GRXCR1: variants seen among roughly 807,000 people sequenced by gnomAD.
GRXCR1 encodes the protein glutaredoxin domain-containing cysteine-rich protein 1.
In GRXCR1, 27 loss-of-function variants were observed where a neutral mutation model predicts 27.3. The ratio of observed to expected loss-of-function variants is 0.99; its 90% CI spans 0.73 to 1.37. The LOEUF (loss-of-function observed/expected upper bound fraction) is 1.37, where lower values mean the gene tolerates loss of function less well. Ranked by LOEUF, GRXCR1 falls within the 40% of genes most tolerant of loss-of-function variation. GRXCR1 has a pLI of 0.00. For missense variants in GRXCR1, 379 were observed against 354.4 expected, an observed-to-expected ratio of 1.07 and a Z score of -0.56; for synonymous variants, 122 against 131.1, an observed-to-expected ratio of 0.93 and a Z score of 0.47.
intron 1 of GRXCR1, among the ~76,000 whole-genome samples, chr4:42,898,360 G>A (rs1746395563): frequency 1.3e-5 from 2 of 151,904 alleles, no homozygotes; most frequent in Admixed American, 1.3e-4. Flanking sequence ...TTTGATTAAA[G>A]TGTCATGAGG....
intron 2 of GRXCR1, among the ~76,000 whole-genome samples, chr4:43,011,632 TA>T (rs1262809316): frequency 1.3e-5 from 2 of 152,152 alleles, no homozygotes; most frequent in African/African-American, 4.8e-5. Context: ...ATTCTTTGGG[TA>T]TGCACTCTGT....
intron 3 of GRXCR1, among the ~76,000 whole-genome samples, chr4:43,025,156 A>G (rs1713214152): frequency 6.6e-6 from 1 of 152,122 alleles, no homozygotes; most frequent in Admixed American, 6.6e-5. Context: ...AAGGAAGTCT[A>G]TTTCACAATC....
Position 42,999,934 on chromosome 4 carries a change from C to T in GRXCR1, c.628-20420C>T, listed in dbSNP as rs571808261. On this transcript the variant is annotated intron_variant, in intron 2 of 3. Transcript: ENST00000399770. ...GGTTAATGTGTCTTTGTTCACCTTT[C>T]GTGATACACAGTATTCCCCAAACAA... is the stretch of plus-strand genomic sequence containing the variant. Among the ~76,000 whole-genome samples, 149 of 152,316 alleles carry T rather than the reference C, an allele frequency of 9.8e-4. 1 individual carries two copies. The South Asian group carries it at 0.018, about 19-fold the overall frequency.
chr4:43,030,275 A>C lies in GRXCR1; in HGVS notation c.694-86A>C, dbSNP rs555025332. 3,813 of 1,222,590 alleles carry C rather than the reference A, an allele frequency of 3.1e-3. 13 individuals are homozygous for C. Among genetic ancestry groups the C allele is most frequent in the South Asian group, 8.3e-3 (687 of 82,538 alleles). The allele number at this position is 1,222,590 out of a possible 1,614,324, so 75.7% of individuals were successfully genotyped here. On this transcript the variant is annotated intron_variant, in intron 3 of 3. Coordinates refer to ENST00000399770, the MANE Select transcript of GRXCR1 (RefSeq NM_001080476.3). ...TGCCAATATTGCTTTATGACCACTC[A>C]CAGTTCAGAAAGACCGGGAGGCTGA...
intron 2 of GRXCR1, among the ~76,000 whole-genome samples, chr4:42,987,241 A>ATATTATATATATATT (rs1276367661): frequency 3.0e-5 from 2 of 66,468 alleles, no homozygotes; most frequent in East Asian, 4.0e-4. Flanking sequence ...ATATATATAT[A>ATATTATATATATATT]ATATATAATA....
intron 1 of GRXCR1, among the ~76,000 whole-genome samples, chr4:42,923,842 CG>C (rs1483557747): frequency 6.6e-6 from 1 of 151,990 alleles, no homozygotes; most frequent in Non-Finnish European, 1.5e-5. Context: ...GCATAGCTTC[CG>C]GGGTGGTACT....
At chr4:42,919,826 A>C (rs551266363) in intron 1 of GRXCR1, among the ~76,000 whole-genome samples, 1 of 152,288 alleles carries the variant, frequency 6.6e-6, no homozygotes, top group East Asian at 1.9e-4. Flanking sequence ...AAATTTCTAT[A>C]ATATAAATTT....
At chr4:42,995,132 C>T (rs1372565982) in intron 2 of GRXCR1, among the ~76,000 whole-genome samples, 3 of 152,252 alleles carry the variant, frequency 2.0e-5, no homozygotes, top group Non-Finnish European at 4.4e-5. Context: ...TGTATCATCA[C>T]TGTGACACTT....
At chr4:43,004,150 G>A (rs976699508) in intron 2 of GRXCR1, among the ~76,000 whole-genome samples, 1 of 152,236 alleles carries the variant, frequency 6.6e-6, no homozygotes, top group Non-Finnish European at 1.5e-5. Context: ...AGGGGACAAG[G>A]TACAGCTTCA....
intron 1 of GRXCR1, among the ~76,000 whole-genome samples, chr4:42,946,387 ATTGTG>A (rs1274376698): frequency 6.6e-6 from 1 of 152,154 alleles, no homozygotes; most frequent in Non-Finnish European, 1.5e-5. Flanking sequence ...CTTATGTCAC[ATTGTG>A]TTATTATCCT....
chr4:43,028,013 G>A (rs1232945530), intron 3 of GRXCR1, among the ~76,000 whole-genome samples: 2 of 152,058 alleles, frequency 1.3e-5, no homozygotes, highest in African/African-American at 2.4e-5. Flanking sequence ...GGAGGCTGAG[G>A]CAGGAGAATC....
At position 42,929,817 on chromosome 4, in the gene GRXCR1, C is replaced by T. The variant is rs371820075; in HGVS notation, c.385-33075C>T. On this transcript the variant is annotated intron_variant, in intron 1 of 3. Transcript: ENST00000399770. ...GCAATAATAATAATTATAACACCTG[C>T]ACCATAAAAATTGTTCCAAGCATTT... Among the ~76,000 whole-genome samples the T allele has an allele frequency of 4.7e-4, 71 of 152,042 alleles. 2 individuals are homozygous for T. The South Asian group carries it at 0.011, about 23-fold the overall frequency.
At chr4:43,028,632 C>A (rs1463199037) in intron 3 of GRXCR1, among the ~76,000 whole-genome samples, 1 of 152,230 alleles carries the variant, frequency 6.6e-6, no homozygotes. Flanking sequence ...TTGATAAGAA[C>A]TCCACTACTT....
chr4:42,941,692 C>T (rs1188146335), intron 1 of GRXCR1, among the ~76,000 whole-genome samples: 1 of 151,938 alleles, frequency 6.6e-6, no homozygotes, highest in African/African-American at 2.4e-5. Flanking sequence ...ACAATATTAT[C>T]CCTATAACAC....
intron 1 of GRXCR1, among the ~76,000 whole-genome samples, chr4:42,956,644 T>C (rs577866145): frequency 6.6e-6 from 1 of 152,232 alleles, no homozygotes; most frequent in Admixed American, 6.5e-5. Context: ...CTATACTTTC[T>C]ACCCTGAATT....
At chr4:42,976,191 C>T (rs1302793398) in intron 2 of GRXCR1, among the ~76,000 whole-genome samples, 1 of 151,996 alleles carries the variant, frequency 6.6e-6, no homozygotes, top group Non-Finnish European at 1.5e-5. Flanking sequence ...TGGACCTCTG[C>T]ACTATAAAAG....
At chr4:42,902,786 A>T (rs1474337533) in intron 1 of GRXCR1, among the ~76,000 whole-genome samples, 1 of 152,192 alleles carries the variant, frequency 6.6e-6, no homozygotes, top group African/African-American at 2.4e-5. Context: ...ACCATGGCAC[A>T]TAATTACCTA....
At chr4:43,012,671 A>ATT (rs1167830656) in intron 2 of GRXCR1, among the ~76,000 whole-genome samples, 1 of 152,166 alleles carries the variant, frequency 6.6e-6, no homozygotes, top group Non-Finnish European at 1.5e-5. Context: ...TATAAACATT[A>ATT]TTATACCCAT....
At chr4:43,017,743 T>C (rs1712971355) in intron 2 of GRXCR1, among the ~76,000 whole-genome samples, 1 of 152,098 alleles carries the variant, frequency 6.6e-6, no homozygotes, top group Admixed American at 6.6e-5. Flanking sequence ...AAAACAAACT[T>C]ATGTCTGACA....
Sources: gnomAD v4.1 joint callset for allele counts (sites outside exome capture counted in the v4.1 genomes callset) on GRCh38, gnomAD v4.1.1 for gene constraint, MANE v1.5 for transcripts, NCBI Gene and HGNC (gene_info 2026-07-23, HGNC 2026-07-21) for gene names.